PLCB4: variants seen among roughly 807,000 people sequenced by gnomAD.
The protein encoded by PLCB4 is 1-phosphatidylinositol 4,5-bisphosphate phosphodiesterase beta-4.
Under a neutral mutation model 178.8 loss-of-function variants are expected in PLCB4, and 77 were observed. That is an observed-to-expected ratio of 0.43 (90% CI 0.36 to 0.52). PLCB4 has a LOEUF of 0.52. PLCB4 is among the 20% of genes least tolerant of loss of function. The pLI is 0.00. For missense variants in PLCB4, 1,024 were observed against 1,453.4 expected (o/e 0.70, Z 4.80); for synonymous variants, 496 against 490.8 (o/e 1.01, Z -0.14).
intron 3 of PLCB4, among the ~76,000 whole-genome samples, chr20:9,239,840 A>T (rs924704356): frequency 2.0e-5 from 3 of 152,172 alleles, no homozygotes; most frequent in Admixed American, 6.5e-5. Context: ...CCGGCAAACC[A>T]CAGTGTCAGT....
chr20:9,099,386 G>A (rs1248044579), intron 2 of PLCB4, among the ~76,000 whole-genome samples: 1 of 152,156 alleles, frequency 6.6e-6, no homozygotes, highest in East Asian at 1.9e-4. Context: ...CCATTTTCTT[G>A]TATGGTAGCT....
chr20:9,209,919 G>C (rs1224342849), intron 2 of PLCB4, among the ~76,000 whole-genome samples: 1 of 137,208 alleles, frequency 7.3e-6, no homozygotes, highest in Non-Finnish European at 1.5e-5. Context: ...AGTCGAGATC[G>C]AGCCACTGAA....
chr20:9,088,713 T>TAGAATTCAAAACTACTGTTAGC (rs2146556206), intron 1 of PLCB4, among the ~76,000 whole-genome samples: 1 of 152,184 alleles, frequency 6.6e-6, no homozygotes, highest in Admixed American at 6.5e-5. Context: ...TGGAAAAAAA[T>TAGAATTCAAAACTACTGTTAGC]AGAATTCAAA....
chr20:9,457,469 A>C lies in PLCB4; in HGVS notation c.3052A>C (p.Thr1018Pro), dbSNP rs2043127673. 1 of 1,514,956 alleles carries C rather than the reference A, an allele frequency of 6.6e-7. No individual in the cohort carries two copies. Among genetic ancestry groups the C allele is most frequent in the Non-Finnish European group, 9.2e-7 (1 of 1,089,826 alleles). 93.8% of individuals were successfully genotyped at this position (1,514,956 alleles called of 1,614,324 possible). ...AACAGAAATCAAAATTCAGACGCTG[A>C]CATCAGATCACAAATCTAAGGTAAG... is the stretch of plus-strand genomic sequence containing the variant. ...KETEIKIQTL[T>P]SDHKSKVKEI... The change falls in exon 34 of 40, where the codon ACA becomes CCA. Residue 1018 changes from threonine (T) to proline (P), a missense_variant. Thr to Pro is a conservative substitution (Grantham distance 38). This residue lies in a region of PLCB4 where 264 missense variants were observed against 283.2 expected (regional missense o/e 0.93). Transcript: ENST00000378473.
At chr20:9,088,073 A>G (rs2090512912) in intron 1 of PLCB4, among the ~76,000 whole-genome samples, 1 of 152,218 alleles carries the variant, frequency 6.6e-6, no homozygotes, top group Non-Finnish European at 1.5e-5. Context: ...AATCTGATGC[A>G]CAAGCCATGG....
At chr20:9,384,072 G>C in intron 13 of PLCB4, 129 bp from the exon 14 acceptor site, 1 of 680,022 alleles carries the variant, frequency 1.5e-6, no homozygotes, top group Non-Finnish European at 2.6e-6. Context: ...ACAGATGAAA[G>C]TTCTTGGGAA....
chr20:9,370,066 G>A (rs765570534), intron 9 of PLCB4, among the ~76,000 whole-genome samples: 3 of 152,190 alleles, frequency 2.0e-5, no homozygotes, highest in Non-Finnish European at 2.9e-5. Flanking sequence ...GGTGTTCCAG[G>A]GTACCAAGTC....
intron 4 of PLCB4, among the ~76,000 whole-genome samples, chr20:9,335,669 G>A (rs1158714823): frequency 6.6e-6 from 1 of 152,142 alleles, no homozygotes; most frequent in African/African-American, 2.4e-5. Flanking sequence ...AAAGGTAGGT[G>A]GAACTACTTC....
In PLCB4 at chr20:9,318,324, A is replaced by C. The variant is rs528765137; in HGVS notation, c.84+10426A>C. 1.1e-4 allele frequency among the ~76,000 whole-genome samples: 16 copies of C among 151,668 alleles called. No homozygotes were observed. In the South Asian group the frequency reaches 3.4e-3, roughly 32 times the overall value. ...CGGGGTCTAGGCTTCTGCTGATTGG[A>C]TGGGGCAGGGATGAAATCATGCTGA... On this transcript the variant is annotated intron_variant, in intron 4 of 39. Coordinates refer to ENST00000378473, the MANE Select transcript of PLCB4 (RefSeq NM_001377142.1).
intron 2 of PLCB4, among the ~76,000 whole-genome samples, chr20:9,146,905 A>T (rs1369833124): frequency 6.6e-6 from 1 of 152,172 alleles, no homozygotes; most frequent in Non-Finnish European, 1.5e-5. Context: ...ATTAGACCAT[A>T]TGTGGATTTC....
At chr20:9,445,465 T>C (rs1393483115) in intron 32 of PLCB4, among the ~76,000 whole-genome samples, 1 of 152,232 alleles carries the variant, frequency 6.6e-6, no homozygotes, top group Non-Finnish European at 1.5e-5. Context: ...GAACATTGTC[T>C]GGAACCCTGT....
chr20:9,378,638 T>G (rs1274252824), intron 12 of PLCB4, among the ~76,000 whole-genome samples: 4 of 152,174 alleles, frequency 2.6e-5, no homozygotes, highest in Non-Finnish European at 5.9e-5. Flanking sequence ...CGAGGCCTGC[T>G]GTTAACATAA....
chr20:9,102,740 TG>T (rs34780277), intron 2 of PLCB4, among the ~76,000 whole-genome samples: 19,382 of 150,670 alleles, frequency 0.13, 1,287 homozygotes, highest in Middle Eastern at 0.19. Context: ...AGAGCATATT[TG>T]GGGGGGGGCT....
intron 2 of PLCB4, among the ~76,000 whole-genome samples, chr20:9,146,874 T>G (rs554972407): frequency 6.6e-6 from 1 of 152,292 alleles, no homozygotes; most frequent in South Asian, 2.1e-4. Flanking sequence ...TTTGTTTAAG[T>G]GTAAATAGAA....
At chr20:9,292,618 A>C (rs899781799) in intron 3 of PLCB4, among the ~76,000 whole-genome samples, 2 of 152,204 alleles carry the variant, frequency 1.3e-5, no homozygotes, top group African/African-American at 4.8e-5. Flanking sequence ...AATTATTCAT[A>C]GGCACAATCG....
chr20:9,340,705 G>A (rs1392093783), intron 7 of PLCB4, among the ~76,000 whole-genome samples: 2 of 152,154 alleles, frequency 1.3e-5, no homozygotes, highest in East Asian at 3.9e-4. Flanking sequence ...ACATTGCCTG[G>A]GTTCAAATCC....
rs76389646 is a variant in PLCB4 at position 9,318,752 on chromosome 20, C to T, written c.84+10854C>T. On this transcript the variant is annotated intron_variant, in intron 4 of 39. Coordinates refer to ENST00000378473, the MANE Select transcript of PLCB4 (RefSeq NM_001377142.1). ...ACTGTTATAATTTTTCTCACTGATACAATTTTTGCAAAGGCAGTTTCATAA... is the reference window on the plus strand; with the variant it reads ...ACTGTTATAATTTTTCTCACTGATATAATTTTTGCAAAGGCAGTTTCATAA... Among the ~76,000 whole-genome samples, 456 of 152,306 alleles carry T rather than the reference C, an allele frequency of 3.0e-3. 2 individuals are homozygous for T. The highest frequency in any genetic ancestry group is 0.01 in the African/African-American group (424 of 41,572).
intron 25 of PLCB4, among the ~76,000 whole-genome samples, chr20:9,416,623 T>C (rs2040267902): frequency 6.6e-6 from 1 of 152,206 alleles, no homozygotes; most frequent in Admixed American, 6.5e-5. Context: ...TGCTGTATCA[T>C]CATATTTTCT....
Position 9,083,378 on chromosome 20 carries a change from T to TAC in PLCB4, c.-134-12892_-134-12891dup, listed in dbSNP as rs11469387. 6.3e-3 allele frequency among the ~76,000 whole-genome samples: 944 copies of TAC among 150,704 alleles called. 13 individuals carry two copies. The highest frequency in any genetic ancestry group is 0.02 in the African/African-American group (804 of 41,008). ...CTTTCTCTACACACACACACACTCA[T>TAC]ACACACACACACACACACCGCAGGT... On this transcript the variant is annotated intron_variant, in intron 1 of 39. Transcript: ENST00000378473.
Sources: allele counts gnomAD v4.1 joint callset (sites outside exome capture counted in the v4.1 genomes callset), GRCh38; gene constraint gnomAD v4.1.1; regional missense constraint gnomAD v4.1.1; transcripts MANE v1.5; gene names NCBI Gene and HGNC (gene_info 2026-07-23, HGNC 2026-07-21).